DEFB107A: variants seen among roughly 807,000 people sequenced by gnomAD.
DEFB107A encodes defensin beta 107A.
At chr8:7,813,175 C>T (rs1193367983) in intron 1 of DEFB107A, among the ~76,000 whole-genome samples, 5 of 117,026 alleles carry the variant, frequency 4.3e-5, no homozygotes, top group Non-Finnish European at 9.9e-5. Flanking sequence ...TTTAGCTGGA[C>T]ACATGAATAC....
At chr8:7,812,963 A>G (rs1309755242) in intron 1 of DEFB107A, among the ~76,000 whole-genome samples, 3 of 151,556 alleles carry the variant, frequency 2.0e-5, no homozygotes, top group Admixed American at 6.6e-5. Flanking sequence ...ATATATATAT[A>G]TATACATGTA....
chr8:7,813,624 A>G (rs1333162450), intron 1 of DEFB107A, among the ~76,000 whole-genome samples: 2 of 151,960 alleles, frequency 1.3e-5, no homozygotes, highest in East Asian at 1.9e-4. Flanking sequence ...CACAGGGTGC[A>G]TACAGCTTAT....
chr8:7,814,942 A>G (rs1311047477), intron 1 of DEFB107A, among the ~76,000 whole-genome samples: 1 of 82,276 alleles, frequency 1.2e-5, no homozygotes, highest in Non-Finnish European at 2.3e-5. Flanking sequence ...TTTTCATTTT[A>G]AAGAAATCAC....
intron 1 of DEFB107A, among the ~76,000 whole-genome samples, chr8:7,815,284 C>A (rs1455838108): frequency 1.8e-4 from 1 of 5,534 alleles, no homozygotes; most frequent in African/African-American, 1.9e-4. Context: ...ATATGCTGAA[C>A]CTGCGTTGCA....
intron 1 of DEFB107A, among the ~76,000 whole-genome samples, chr8:7,813,744 T>C (rs1304926312): frequency 6.6e-6 from 1 of 152,038 alleles, no homozygotes; most frequent in East Asian, 1.9e-4. Flanking sequence ...TTCTATGTGA[T>C]TATGGTGATG....
chr8:7,813,056 A>G (rs1340672234), intron 1 of DEFB107A, among the ~76,000 whole-genome samples: 2 of 150,024 alleles, frequency 1.3e-5, no homozygotes, highest in African/African-American at 4.9e-5. Context: ...ACTCTAACAT[A>G]GCATAGAGTA....
chr8:7,812,849 T>C (rs571770726), intron 1 of DEFB107A, among the ~76,000 whole-genome samples: 1 of 133,664 alleles, frequency 7.5e-6, no homozygotes, highest in Non-Finnish European at 1.7e-5. Context: ...TAGTCCAAAG[T>C]TGAACTTGGG....
chr8:7,814,088 A>G (rs1378212462), intron 1 of DEFB107A, among the ~76,000 whole-genome samples: 1 of 68,744 alleles, frequency 1.5e-5, no homozygotes, highest in Non-Finnish European at 3.0e-5. Context: ...AATGTGCAAA[A>G]CAAATACTAC....
chr8:7,815,135 C>A, intron 1 of DEFB107A, among the ~76,000 whole-genome samples: 1 of 64,076 alleles, frequency 1.6e-5, no homozygotes, highest in Non-Finnish European at 3.2e-5. Flanking sequence ...GTAGTCCCAG[C>A]TACTCGGGAG....
chr8:7,813,624 A>C (rs1333162450), intron 1 of DEFB107A, among the ~76,000 whole-genome samples: 2 of 151,848 alleles, frequency 1.3e-5, no homozygotes, highest in Admixed American at 1.3e-4. Flanking sequence ...CACAGGGTGC[A>C]TACAGCTTAT....
chr8:7,813,013 A>T (rs1817122686), intron 1 of DEFB107A, among the ~76,000 whole-genome samples: 1 of 151,446 alleles, frequency 6.6e-6, no homozygotes, highest in Non-Finnish European at 1.5e-5. Flanking sequence ...GAACAAAAAA[A>T]TAAGTAGAAG....
chr8:7,813,367 G>A (rs1817132318), intron 1 of DEFB107A, among the ~76,000 whole-genome samples: 1 of 146,646 alleles, frequency 6.8e-6, no homozygotes, highest in Admixed American at 7.0e-5. Flanking sequence ...AACTGTTTAG[G>A]ATGGCAGGGT....
intron 1 of DEFB107A, among the ~76,000 whole-genome samples, chr8:7,814,400 T>C (rs1339554610): frequency 2.7e-5 from 2 of 74,952 alleles, no homozygotes; most frequent in Non-Finnish European, 6.0e-5. Context: ...TTTATCATAG[T>C]GGACAGAACA....
At chr8:7,813,620 G>A (rs1414543517) in intron 1 of DEFB107A, among the ~76,000 whole-genome samples, 1 of 151,968 alleles carries the variant, frequency 6.6e-6, no homozygotes, top group Non-Finnish European at 1.5e-5. Flanking sequence ...AAAACACAGG[G>A]TGCATACAGC....
chr8:7,813,937 T>A (rs1047417253), intron 1 of DEFB107A, among the ~76,000 whole-genome samples: 3 of 143,026 alleles, frequency 2.1e-5, no homozygotes, highest in Non-Finnish European at 3.0e-5. Flanking sequence ...TCTGGAGCAT[T>A]GTCTGACATC....
chr8:7,812,294 A>AT (rs1295695935), intron 1 of DEFB107A, among the ~76,000 whole-genome samples: 22 of 69,648 alleles, frequency 3.2e-4, no homozygotes, highest in Non-Finnish European at 4.9e-4. Flanking sequence ...TTACCAACAG[A>AT]TTTTTTTTCC....
At chr8:7,813,064 G>A (rs1490759120) in intron 1 of DEFB107A, among the ~76,000 whole-genome samples, 1 of 148,628 alleles carries the variant, frequency 6.7e-6, no homozygotes, top group African/African-American at 2.5e-5. Flanking sequence ...ATAGCATAGA[G>A]TATGTGCCTG....
At chr8:7,813,756 T>C (rs1273173271) in intron 1 of DEFB107A, among the ~76,000 whole-genome samples, 1 of 151,994 alleles carries the variant, frequency 6.6e-6, no homozygotes, top group Non-Finnish European at 1.5e-5. Flanking sequence ...ATGGTGATGG[T>C]GGTGGTTCTA....
intron 1 of DEFB107A, among the ~76,000 whole-genome samples, chr8:7,813,154 G>C (rs1392160471): frequency 8.9e-6 from 1 of 112,314 alleles, no homozygotes; most frequent in African/African-American, 2.7e-5. Flanking sequence ...TTTAGTCATA[G>C]AACCTCTGGG....
Sources: gnomAD v4.1 joint callset for allele counts (sites outside exome capture counted in the v4.1 genomes callset) on GRCh38, gnomAD v4.1.1 for gene constraint, MANE v1.5 for transcripts, NCBI Gene and HGNC (gene_info 2026-07-23, HGNC 2026-07-21) for gene names.